The following MACROD2 variants were observed in gnomAD, a reference collection of about 807,000 sequenced individuals.
The protein encoded by MACROD2 is mono-ADP ribosylhydrolase 2.
A neutral mutation model predicts 70.4 loss-of-function variants in MACROD2; 36 were observed. The ratio of observed to expected loss-of-function variants is 0.51; its 90% CI spans 0.39 to 0.68. The LOEUF (loss-of-function observed/expected upper bound fraction) is 0.68, where lower values mean the gene tolerates loss of function less well. MACROD2 is among the 30% of genes least tolerant of loss of function. The pLI is 0.00. For missense variants in MACROD2, 496 were observed against 538.4 expected (o/e 0.92, Z 0.78); for synonymous variants, 172 against 178.8 (o/e 0.96, Z 0.30).
intron 4 of MACROD2, among the ~76,000 whole-genome samples, chr20:14,532,717 A>T (rs539861777): frequency 7.8e-4 from 119 of 152,244 alleles, no homozygotes; most frequent in African/African-American, 2.7e-3. Flanking sequence ...AATATACGCT[A>T]CTGGCAGTTT....
chr20:14,826,368 C>G (rs1005350085), intron 5 of MACROD2, among the ~76,000 whole-genome samples: 2 of 152,078 alleles, frequency 1.3e-5, no homozygotes, highest in African/African-American at 4.8e-5. Context: ...AGGCTAATGT[C>G]TCTAATACAA....
intron 8 of MACROD2, among the ~76,000 whole-genome samples, chr20:15,551,816 C>T (rs1036732235): frequency 4.2e-5 from 6 of 141,186 alleles, no homozygotes; most frequent in Admixed American, 3.0e-4. Context: ...CTGCAGTGAG[C>T]GGAACTAGCA....
chr20:15,812,816 A>T (rs1335379390), intron 8 of MACROD2, among the ~76,000 whole-genome samples: 3 of 152,188 alleles, frequency 2.0e-5, no homozygotes, highest in Non-Finnish European at 2.9e-5. Context: ...TTGATTTTAC[A>T]CCACTTCATA....
chr20:14,592,079 A>G (rs893229481), intron 4 of MACROD2, among the ~76,000 whole-genome samples: 1 of 152,224 alleles, frequency 6.6e-6, no homozygotes, highest in African/African-American at 2.4e-5. Context: ...GGGCATGACT[A>G]GACATGCATT....
chr20:14,187,654 T>A (rs2081355801), intron 3 of MACROD2, among the ~76,000 whole-genome samples: 2 of 152,208 alleles, frequency 1.3e-5, no homozygotes, highest in Non-Finnish European at 2.9e-5. Context: ...AGCAGCTTAC[T>A]TTTATATTTC....
At chr20:14,965,101 T>G (rs1336203504) in intron 5 of MACROD2, among the ~76,000 whole-genome samples, 1 of 152,140 alleles carries the variant, frequency 6.6e-6, no homozygotes, top group African/African-American at 2.4e-5. Context: ...AAAATTACTA[T>G]AAATGGTCAG....
intron 8 of MACROD2, among the ~76,000 whole-genome samples, chr20:15,680,638 C>A (rs1268221694): frequency 1.3e-5 from 2 of 152,126 alleles, no homozygotes; most frequent in Non-Finnish European, 2.9e-5. Context: ...AGGTGTGAAG[C>A]CTGCTGCAGG....
chr20:15,646,697 A>T (rs1001371688), intron 8 of MACROD2, among the ~76,000 whole-genome samples: 1 of 152,126 alleles, frequency 6.6e-6, no homozygotes, highest in Non-Finnish European at 1.5e-5. Context: ...TGTTCTCATG[A>T]GATCTGATGG....
At chr20:15,689,099 T>G (rs2050265412) in intron 8 of MACROD2, among the ~76,000 whole-genome samples, 1 of 151,674 alleles carries the variant, frequency 6.6e-6, no homozygotes, top group Admixed American at 6.6e-5. Flanking sequence ...AGGTCAGGAG[T>G]TCGAGACCAG....
chr20:14,503,335 C>A (rs74910176), intron 4 of MACROD2, among the ~76,000 whole-genome samples: 1,779 of 152,228 alleles, frequency 0.012, 40 homozygotes, highest in African/African-American at 0.041. Context: ...TAAATGGCAG[C>A]AGGAGAGACC....
chr20:15,196,958 G>T (rs1044157799), intron 5 of MACROD2: 1 of 985,300 alleles, frequency 1.0e-6, no homozygotes, highest in African/African-American at 1.7e-5. Context: ...GAGCCCTTTG[G>T]GCCTCAGGTA....
intron 5 of MACROD2, among the ~76,000 whole-genome samples, chr20:14,751,806 A>C (rs1359243673): frequency 6.6e-6 from 1 of 150,616 alleles, no homozygotes; most frequent in Non-Finnish European, 1.5e-5. Context: ...TACTCCACTG[A>C]TTTTTGTGGG....
Position 15,870,872 on chromosome 20 carries a change from G to A in MACROD2, c.727+8046G>A, listed in dbSNP as rs1032127896. ...ACAAGGGTATAGCACTGCTTTTTAC[G>A]TATTTATCAAAATTTTCAAAAATTG... is the stretch of plus-strand genomic sequence containing the variant. On this transcript the variant is annotated intron_variant, in intron 9 of 17. Transcript: ENST00000684519. 2.0e-4 allele frequency among the ~76,000 whole-genome samples: 31 copies of A among 152,002 alleles called. 1 individual carries two copies. Among genetic ancestry groups the A allele is most frequent in the Admixed American group, 2.0e-4 (3 of 15,242 alleles).
intron 13 of MACROD2, among the ~76,000 whole-genome samples, chr20:15,977,356 G>T (rs896371357): frequency 3.3e-5 from 5 of 152,144 alleles, no homozygotes; most frequent in Non-Finnish European, 5.9e-5. Flanking sequence ...AGATTATCTC[G>T]TTCCACAGCC....
chr20:15,538,548 A>C (rs2047908107), intron 8 of MACROD2, among the ~76,000 whole-genome samples: 1 of 151,976 alleles, frequency 6.6e-6, no homozygotes, highest in South Asian at 2.1e-4. Flanking sequence ...CAACTGGTTC[A>C]ATCACAGTTT....
chr20:15,499,751 G>A, intron 7 of MACROD2, 23 bp from the exon 8 acceptor site: 1 of 1,612,542 alleles, frequency 6.2e-7, no homozygotes, highest in South Asian at 1.1e-5. Context: ...TTGTTCATTT[G>A]TTTTTTCCTG....
chr20:14,036,232 C>A (rs886303448), intron 2 of MACROD2, among the ~76,000 whole-genome samples: 7 of 152,010 alleles, frequency 4.6e-5, no homozygotes, highest in African/African-American at 1.7e-4. Context: ...GGTTAAGTAG[C>A]CTTTACTTGT....
intron 10 of MACROD2, among the ~76,000 whole-genome samples, chr20:15,908,658 T>G (rs2065185381): frequency 6.6e-6 from 1 of 152,162 alleles, no homozygotes; most frequent in African/African-American, 2.4e-5. Context: ...ACTCTTACCT[T>G]TCTTTTATTT....
chr20:16,035,096 T>TTTATAAAATATAATATAAAA lies in MACROD2; in HGVS notation c.1154-6104_1154-6103insTATAAAATATAATATAAAAT, dbSNP rs1568725788. On this transcript the variant is annotated intron_variant, in intron 15 of 17. Coordinates refer to ENST00000684519, the MANE Select transcript of MACROD2 (RefSeq NM_001351661.2). ...AAAATATAATATGTAATATAAAATA[T>TTTATAAAATATAATATAAAA]TATATATTATATATAAAATATAATA... 1.9e-3 allele frequency among the ~76,000 whole-genome samples: 25 copies of TTTATAAAATATAATATAAAA among 13,236 alleles called. 1 individual carries two copies. Among genetic ancestry groups the TTTATAAAATATAATATAAAA allele is most frequent in the African/African-American group, 3.6e-3 (24 of 6,704 alleles). 8.7% of individuals were successfully genotyped at this position (13,236 alleles called of 152,430 possible). A position where few individuals can be genotyped will look rare whatever the true frequency, so the allele number is the denominator to read the frequency against.
Sources: allele counts gnomAD v4.1 joint callset (sites outside exome capture counted in the v4.1 genomes callset), GRCh38; gene constraint gnomAD v4.1.1; transcripts MANE v1.5; gene names NCBI Gene and HGNC (gene_info 2026-07-23, HGNC 2026-07-21).